GABRB1: variants seen among roughly 807,000 people sequenced by gnomAD.
The protein encoded by GABRB1 is gamma-aminobutyric acid type A receptor subunit beta1, also known as gamma-aminobutyric acid receptor subunit beta-1.
Under a neutral mutation model 51.6 loss-of-function variants are expected in GABRB1, and 17 were observed. The observed-to-expected ratio is 0.33, with a 90% CI of 0.23 to 0.49. GABRB1 has a LOEUF of 0.49. Among genes scored for constraint, GABRB1 ranks in the 20% least tolerant of loss-of-function variants. The pLI is 0.99. For synonymous variants in GABRB1, 247 were observed against 218.9 expected, an observed-to-expected ratio of 1.13 and a Z score of -1.14; for missense variants, 410 against 600.6, an observed-to-expected ratio of 0.68 and a Z score of 3.32.
intron 4 of GABRB1, among the ~76,000 whole-genome samples, chr4:47,310,945 C>G (rs1284294421): frequency 6.7e-6 from 1 of 148,154 alleles, no homozygotes; most frequent in African/African-American, 2.5e-5. Context: ...GGGCGGATCA[C>G]TTGAGACCAG....
chr4:47,254,529 C>T (rs2109868515), intron 4 of GABRB1, among the ~76,000 whole-genome samples: 1 of 151,856 alleles, frequency 6.6e-6, no homozygotes, highest in East Asian at 1.9e-4. Context: ...CCATGCCCGG[C>T]TGATTTGTGT....
chr4:47,210,875 T>C (rs531585225), intron 4 of GABRB1, among the ~76,000 whole-genome samples: 77 of 152,292 alleles, frequency 5.1e-4, no homozygotes, highest in African/African-American at 1.6e-3. Flanking sequence ...CTTAGGGATA[T>C]ACCTAACTCA....
chr4:46,994,351 C>A (rs989726076), intron 1 of GABRB1: 1 of 151,866 alleles, frequency 6.6e-6, no homozygotes, highest in Non-Finnish European at 1.5e-5. Context: ...ATCACTTTCA[C>A]TTCTTGCGAC....
At chr4:47,325,398 G>A (rs898579978) in intron 5 of GABRB1, among the ~76,000 whole-genome samples, 2 of 148,702 alleles carry the variant, frequency 1.3e-5, no homozygotes, top group African/African-American at 2.5e-5. Context: ...TGGCACCATT[G>A]CACTCCAGCC....
At chr4:47,056,772 CGAAAGAGACA>C (rs1383150729) in intron 3 of GABRB1, among the ~76,000 whole-genome samples, 1 of 152,008 alleles carries the variant, frequency 6.6e-6, no homozygotes, top group Non-Finnish European at 1.5e-5. Flanking sequence ...GAGAAATGAG[CGAAAGAGACA>C]GAAAGAGATC....
intron 4 of GABRB1, among the ~76,000 whole-genome samples, chr4:47,316,144 G>A (rs1286320831): frequency 1.3e-5 from 2 of 151,602 alleles, no homozygotes; most frequent in African/African-American, 2.4e-5. Context: ...TTTTTCTATT[G>A]AGGTAAAATA....
intron 5 of GABRB1, among the ~76,000 whole-genome samples, chr4:47,367,296 C>T (rs535170181): frequency 1.8e-4 from 27 of 152,216 alleles, no homozygotes; most frequent in Non-Finnish European, 2.8e-4. Flanking sequence ...TTAGAAGTCC[C>T]TGCTTAGACT....
Position 47,049,435 on chromosome 4 carries a change from A to G in GABRB1, c.240+16951A>G, listed in dbSNP as rs547913789. Among the ~76,000 whole-genome samples the G allele has an allele frequency of 8.5e-5, 13 of 152,280 alleles. 1 individual carries two copies. The South Asian group carries it at 2.5e-3, about 29-fold the overall frequency. ...AATTTTTGGGTAGAGAAAGACAGAA[A>G]GACCCAGGTATATTTAGCTCTTCTG... On this transcript the variant is annotated intron_variant, in intron 3 of 8. Coordinates refer to ENST00000295454, the MANE Select transcript of GABRB1 (RefSeq NM_000812.4).
At chr4:47,116,576 G>C (rs1280291269) in intron 3 of GABRB1, among the ~76,000 whole-genome samples, 2 of 152,088 alleles carry the variant, frequency 1.3e-5, no homozygotes, top group Non-Finnish European at 2.9e-5. Flanking sequence ...TGGTAAATTA[G>C]TTTGGCTGTT....
At chr4:47,264,292 G>A (rs1262741481) in intron 4 of GABRB1, among the ~76,000 whole-genome samples, 4 of 152,008 alleles carry the variant, frequency 2.6e-5, no homozygotes, top group South Asian at 2.1e-4. Flanking sequence ...CCCCCACCCC[G>A]CCAAGCATTC....
At chr4:47,296,164 G>A (rs905967384) in intron 4 of GABRB1, among the ~76,000 whole-genome samples, 2 of 152,170 alleles carry the variant, frequency 1.3e-5, no homozygotes, top group African/African-American at 2.4e-5. Context: ...ATGCCAAATT[G>A]TAAAGACCAT....
At chr4:47,378,417 G>T (rs1727470805) in intron 5 of GABRB1, among the ~76,000 whole-genome samples, 1 of 152,188 alleles carries the variant, frequency 6.6e-6, no homozygotes. Flanking sequence ...CGCAGCCCGG[G>T]TTCCCGCCCA....
intron 4 of GABRB1, among the ~76,000 whole-genome samples, chr4:47,273,864 T>TATACAC (rs1553869410): frequency 2.5e-5 from 3 of 122,322 alleles, no homozygotes; most frequent in African/African-American, 8.4e-5. Flanking sequence ...CATATATACA[T>TATACAC]ACACACACAC....
At chr4:47,159,088 G>C (rs1001374641) in intron 3 of GABRB1, among the ~76,000 whole-genome samples, 1 of 150,348 alleles carries the variant, frequency 6.7e-6, no homozygotes, top group Admixed American at 6.7e-5. Flanking sequence ...ACCAGCCTGA[G>C]CAACAGAGAA....
At chr4:47,358,404 T>TAG (rs973088384) in intron 5 of GABRB1, among the ~76,000 whole-genome samples, 52 of 148,992 alleles carry the variant, frequency 3.5e-4, no homozygotes, top group Admixed American at 9.4e-4. Flanking sequence ...TATATATATA[T>TAG]AGAGAGAGAG....
At chr4:47,255,629 T>A (rs141268852) in intron 4 of GABRB1, among the ~76,000 whole-genome samples, 1 of 152,344 alleles carries the variant, frequency 6.6e-6, no homozygotes, top group East Asian at 1.9e-4. Context: ...GATCGTGACC[T>A]AAGACAAAGA....
intron 3 of GABRB1, among the ~76,000 whole-genome samples, chr4:47,069,996 T>C (rs1560519887): frequency 6.6e-6 from 1 of 151,986 alleles, no homozygotes; most frequent in Non-Finnish European, 1.5e-5. Flanking sequence ...AGTGAAAATA[T>C]TGCACTTGCC....
rs989247917 is a variant in GABRB1 at position 47,020,512 on chromosome 4, A to C, written c.-19-11402A>C. Among the ~76,000 whole-genome samples, 24 of 152,242 alleles carry C rather than the reference A, an allele frequency of 1.6e-4. No homozygotes were observed. The South Asian group carries it at 1.7e-3, about 11-fold the overall frequency. ...ATTGATTTACAATGCAAACCTTCCC[A>C]AAACTGTTTATCAACATCCTCACCA... On this transcript the variant is annotated intron_variant, in intron 1 of 3. Transcript: ENST00000513567.
chr4:47,048,110 T>C (rs1309964220), intron 3 of GABRB1, among the ~76,000 whole-genome samples: 3 of 152,140 alleles, frequency 2.0e-5, no homozygotes, highest in Non-Finnish European at 4.4e-5. Context: ...GGTTCAAAAA[T>C]TTTTACTTTA....
Sources: allele counts gnomAD v4.1 joint callset (sites outside exome capture counted in the v4.1 genomes callset), GRCh38; gene constraint gnomAD v4.1.1; transcripts MANE v1.5; gene names NCBI Gene and HGNC (gene_info 2026-07-23, HGNC 2026-07-21).